Variants in VWA2 observed in about 807,000 individuals in gnomAD.
VWA2 encodes von Willebrand factor A domain-containing protein 2.
A neutral mutation model predicts 70.4 loss-of-function variants in VWA2; 73 were observed. The observed-to-expected ratio is 1.04, with a 90% CI of 0.86 to 1.26. The LOEUF is 1.26. VWA2 is among the 50% of genes most tolerant of loss of function. The pLI is 0.00. For synonymous variants in VWA2, 407 were observed against 423.3 expected, an observed-to-expected ratio of 0.96 and a Z score of 0.47; for missense variants, 1,011 against 998.5, an observed-to-expected ratio of 1.01 and a Z score of -0.17.
In VWA2 at chr10:114,290,251, CCA is replaced by C; in HGVS notation, c.2135_2136del (p.Pro712ArgfsTer12). On this transcript the variant is annotated frameshift_variant, in exon 13 of 14. Coordinates refer to ENST00000392982, the MANE Select transcript of VWA2 (RefSeq NM_001272046.2). LOFTEE classifies it high-confidence loss of function. ...GTTCTCCATTGTAGAAGCCAAGCAGCCAGTCAACCTCTGCAAACCCAGCCCGT... is the reference window on the plus strand; with the variant it reads ...GTTCTCCATTGTAGAAGCCAAGCAGCGTCAACCTCTGCAAACCCAGCCCGT... ...IEWLCGEAKQ[P>X]VNLCKPSPCM... is the part of the protein sequence containing the mutation. 6.4e-7 allele frequency: 1 copy of C among 1,550,512 alleles called. No individual in the cohort carries two copies.
At position 114,278,864 on chromosome 10, in the gene VWA2, G is replaced by A. The variant is rs535474178; in HGVS notation, c.833+13G>A. On this transcript the variant is annotated intron_variant, in intron 8 of 13. Transcript: ENST00000392982. ...GTCCCTTCTACAGGTTTGTCTGCGC[G>A]GTCTGGGCTCGGCCTGGGTGGAGAT... The A allele has an allele frequency of 1.6e-5, 25 of 1,612,222 alleles. No homozygotes were observed. The highest frequency in any genetic ancestry group is 8.8e-5 in the South Asian group (8 of 90,996).
rs1339803960 is a variant in VWA2, at chr10:114,275,106, A to T, written c.566+2172A>T. Among the ~76,000 whole-genome samples the T allele has an allele frequency of 2.6e-5, 4 of 152,226 alleles. No homozygotes were observed. The East Asian group carries it at 7.7e-4, about 29-fold the overall frequency. On this transcript the variant is annotated intron_variant, in intron 6 of 13. Transcript: ENST00000392982. ...ATTTGAGGTGGTTTTTAAATCTGATATAAGGTCACCTAGGTAGTGGGGACA... is the reference window on the plus strand; with the variant it reads ...ATTTGAGGTGGTTTTTAAATCTGATTTAAGGTCACCTAGGTAGTGGGGACA...
rs76515545 is a variant in VWA2 at position 114,240,294 on chromosome 10, C to T, written c.-11+725C>T. On this transcript the variant is annotated intron_variant, in intron 1 of 13. Coordinates refer to ENST00000392982, the MANE Select transcript of VWA2 (RefSeq NM_001272046.2). ...CCTAGCTAAGCCGACCTTTCCCTCCCGCCTTGGGCCCTTGGCCACCTGCTG... is the reference window on the plus strand; with the variant it reads ...CCTAGCTAAGCCGACCTTTCCCTCCTGCCTTGGGCCCTTGGCCACCTGCTG... Among the ~76,000 whole-genome samples, 327 of 152,332 alleles carry T rather than the reference C, an allele frequency of 2.1e-3. 6 individuals carry two copies. Among genetic ancestry groups the T allele is most frequent in the African/African-American group, 7.4e-3 (308 of 41,586 alleles).
At chr10:114,245,966 G>T in intron 1 of VWA2, 2 of 472,588 alleles carry the variant, frequency 4.2e-6, no homozygotes. Context: ...GAATCTGGTG[G>T]CATCATGGAA....
At chr10:114,253,834 C>T (rs1216172801) in intron 3 of VWA2, 109 bp downstream of exon 3, 66 of 1,052,628 alleles carry the variant, frequency 6.3e-5, no homozygotes, top group South Asian at 1.5e-5. Context: ...TCCCATCTTC[C>T]TTTCATGCTC....
chr10:114,243,629 G>A (rs1340479465), intron 1 of VWA2, among the ~76,000 whole-genome samples: 4 of 151,874 alleles, frequency 2.6e-5, no homozygotes, highest in African/African-American at 9.7e-5. Context: ...TTGTAAGGAG[G>A]TAGAAATGGT....
intron 10 of VWA2, among the ~76,000 whole-genome samples, chr10:114,285,570 A>G (rs1033011803): frequency 6.6e-6 from 1 of 152,260 alleles, no homozygotes. Context: ...TAGCGTGGCT[A>G]TAGACCTCTG....
rs570510812 is a variant in VWA2, at chr10:114,246,505, C to CAAAAAAAAAAAAAAAAAAAAA, written c.-10-2179_-10-2178insAAAAAAAAAAAAAAAAAAAAA. On this transcript the variant is annotated intron_variant, in intron 1 of 13. Coordinates refer to ENST00000392982, the MANE Select transcript of VWA2 (RefSeq NM_001272046.2). ...AACAAGAGTGAAAGAAACTCCATCT[C>CAAAAAAAAAAAAAAAAAAAAA]AAAAAAAAAAAAAAAAAAAACGAGT... 1.0e-3 allele frequency: 396 copies of CAAAAAAAAAAAAAAAAAAAAA among 384,872 alleles called. 6 individuals are homozygous for CAAAAAAAAAAAAAAAAAAAAA. The highest frequency in any genetic ancestry group is 2.2e-3 in the Middle Eastern group (3 of 1,362). 23.8% of individuals were successfully genotyped at this position (384,872 alleles called of 1,614,324 possible).
chr10:114,286,484 GGGAAGCTGTGCAGCC>G lies in VWA2; in HGVS notation c.1546_1560del (p.Lys516_Arg520del), dbSNP rs771637432. 2 of 1,588,152 alleles carry G rather than the reference GGGAAGCTGTGCAGCC, an allele frequency of 1.3e-6. No homozygotes were observed. Among genetic ancestry groups the G allele is most frequent in the South Asian group, 2.2e-5 (2 of 89,010 alleles). On this transcript the variant is annotated inframe_deletion, in exon 11 of 14. Transcript: ENST00000392982. ...GTTCAACCAAATCCCTGAGCTGCAG[GGGAAGCTGTGCAGCC>G]GGCAGCGGCCAGGTAAGGTCCCAGT... is the stretch of plus-strand genomic sequence containing the variant.
At chr10:114,275,989 T>G (rs1346834535) in intron 6 of VWA2, among the ~76,000 whole-genome samples, 1 of 152,160 alleles carries the variant, frequency 6.6e-6, no homozygotes, top group Non-Finnish European at 1.5e-5. Context: ...ATTCAAATGT[T>G]TATTATTTGA....
chr10:114,281,623 G>T, intron 8 of VWA2: 2 of 498,410 alleles, frequency 4.0e-6, no homozygotes, highest in Non-Finnish European at 5.2e-6. Context: ...GAGTCCAGTG[G>T]CTTACATGTC....
chr10:114,248,574 G>A (rs1162359063), intron 1 of VWA2, 130 bp from the exon 2 acceptor site: 2 of 729,238 alleles, frequency 2.7e-6, no homozygotes, highest in Admixed American at 2.2e-5. Context: ...TCTAGTTATT[G>A]TGGTGAGGGC....
intron 13 of VWA2, among the ~76,000 whole-genome samples, chr10:114,290,772 G>C (rs889373001): frequency 6.6e-6 from 1 of 152,178 alleles, no homozygotes; most frequent in African/African-American, 2.4e-5. Flanking sequence ...GCGGTGGTGG[G>C]AGCTGCTGGA....
chr10:114,259,038 C>T (rs758161381), intron 4 of VWA2, among the ~76,000 whole-genome samples: 23 of 152,076 alleles, frequency 1.5e-4, no homozygotes, highest in Non-Finnish European at 2.9e-4. Flanking sequence ...TTCACACATA[C>T]GAGTAGGATA....
chr10:114,246,568 G>T, intron 1 of VWA2: 1 of 1,173,450 alleles, frequency 8.5e-7, no homozygotes, highest in Non-Finnish European at 1.3e-6. Flanking sequence ...CTGTAACAGA[G>T]GGACCCAGGA....
chr10:114,278,959 A>G, intron 8 of VWA2, 108 bp downstream of exon 8: 1 of 1,512,416 alleles, frequency 6.6e-7, no homozygotes, highest in Admixed American at 1.8e-5. Flanking sequence ...TGTGACAGGG[A>G]TCGAAGGAGA....
chr10:114,290,332 C>A lies in VWA2; in HGVS notation c.2215C>A (p.Arg739=). The change falls in exon 13 of 14, where the codon CGG becomes AGG. Residue 739 remains arginine (R), a synonymous_variant. Coordinates refer to ENST00000392982, the MANE Select transcript of VWA2 (RefSeq NM_001272046.2). ...LQNGSYRCKC[R]DGWEGPHCEN... is the part of the protein sequence containing the mutation. ...GAATGGGAGCTACCGCTGCAAGTGT[C>A]GGGATGGCTGGGAGGGCCCCCACTG... 1 of 1,550,568 alleles carries A rather than the reference C, an allele frequency of 6.4e-7. No homozygotes were observed. The highest frequency in any genetic ancestry group is 1.2e-5 in the South Asian group (1 of 84,052).
At position 114,291,644 on chromosome 10, in the gene VWA2, A is replaced by T. The variant is rs1013314681; in HGVS notation, c.*407A>T. 1 of 186,166 alleles carries T rather than the reference A, an allele frequency of 5.4e-6. No homozygotes were observed. Among genetic ancestry groups the T allele is most frequent in the Non-Finnish European group, 1.1e-5 (1 of 88,488 alleles). The allele number at this position is 186,166 out of a possible 1,614,324, so 11.5% of individuals were successfully genotyped here. A position where few individuals can be genotyped will look rare whatever the true frequency, so the allele number is the denominator to read the frequency against. On this transcript the variant is annotated 3_prime_UTR_variant, in exon 14 of 14. Coordinates refer to ENST00000392982, the MANE Select transcript of VWA2 (RefSeq NM_001272046.2). ...ATCAATGCTCGCCAGAATGTTGTTG[A>T]CACAGTAATGCCCAGCAGAGGCCTT...
chr10:114,289,877 CT>C (rs770140668), intron 12 of VWA2: 1 of 337,340 alleles, frequency 3.0e-6, no homozygotes, highest in Non-Finnish European at 5.6e-6. Flanking sequence ...GTGACCTCCT[CT>C]TCACCTTCTT....
Sources: allele counts gnomAD v4.1 joint callset (sites outside exome capture counted in the v4.1 genomes callset), GRCh38; gene constraint gnomAD v4.1.1; transcripts MANE v1.5; gene names NCBI Gene and HGNC (gene_info 2026-07-23, HGNC 2026-07-21).